LRP4: variants seen among roughly 807,000 people sequenced by gnomAD.
The protein encoded by LRP4 is low-density lipoprotein receptor-related protein 4.
LRP4 carries 95 observed loss-of-function variants against 220.3 expected under a neutral mutation model. The ratio of observed to expected loss-of-function variants is 0.43; its 90% CI spans 0.37 to 0.51. The LOEUF (loss-of-function observed/expected upper bound fraction) is 0.51. Among genes scored for constraint, LRP4 ranks in the 20% least tolerant of loss-of-function variants. The pLI is 0.00. For missense variants in LRP4, 1,925 were observed against 2,567.0 expected (o/e 0.75, Z 5.40); for synonymous variants, 903 against 954.6 (o/e 0.95, Z 1.00).
chr11:46,908,440 C>G (rs1229868193), intron 1 of LRP4, among the ~76,000 whole-genome samples: 3 of 152,184 alleles, frequency 2.0e-5, no homozygotes, highest in Admixed American at 6.5e-5. Flanking sequence ...CACTTTACAG[C>G]TGGGGACAAT....
rs1283372614 is a variant in LRP4 at position 46,884,035 on chromosome 11, C to T, written c.2507-59G>A. On this transcript the variant is annotated intron_variant, in intron 18 of 37. Coordinates refer to ENST00000378623, the MANE Select transcript of LRP4 (RefSeq NM_002334.4). ...CTTGTTCATTCACCCTCTTACCTTC[C>T]ATGGCCAACACAAGAGCCTGGTATG... The T allele has an allele frequency of 2.2e-5, 30 of 1,355,846 alleles. 1 individual carries two copies. The Admixed American group carries it at 3.4e-4, about 15-fold the overall frequency. 84.0% of individuals were successfully genotyped at this position (1,355,846 alleles called of 1,614,324 possible).
chr11:46,871,748 C>G (rs2134784605), intron 30 of LRP4, 115 bp from the exon 31 acceptor site: 1 of 737,056 alleles, frequency 1.4e-6, no homozygotes, highest in South Asian at 1.5e-5. Flanking sequence ...TATGAGAACT[C>G]AAGAAGCACC....
In LRP4 at chr11:46,862,899, G is replaced by A. The variant is rs75787294; in HGVS notation, c.5244-152C>T. Reference sequence around the variant, plus strand: ...ATGCCCTTAAGAATCCCCTCCCCTTGAGTGTGGACTGTTCTGGTGACTTAC... The same window carrying A: ...ATGCCCTTAAGAATCCCCTCCCCTTAAGTGTGGACTGTTCTGGTGACTTAC... On this transcript the variant is annotated intron_variant, in intron 36 of 37. Transcript: ENST00000378623. 321 of 702,372 alleles carry A rather than the reference G, an allele frequency of 4.6e-4. 1 individual carries two copies. The East Asian group carries it at 7.8e-3, about 17-fold the overall frequency. 43.5% of individuals were successfully genotyped at this position (702,372 alleles called of 1,614,324 possible).
At chr11:46,877,908 A>G (rs962878659) in intron 22 of LRP4, among the ~76,000 whole-genome samples, 2 of 152,210 alleles carry the variant, frequency 1.3e-5, no homozygotes, top group Non-Finnish European at 2.9e-5. Flanking sequence ...TATTAATATT[A>G]TGAAAGTGGC....
At chr11:46,868,903 A>G in intron 32 of LRP4, 85 bp downstream of exon 32, 4 of 1,571,260 alleles carry the variant, frequency 2.5e-6, no homozygotes, top group Non-Finnish European at 3.5e-6. Context: ...TTGTGGCCCT[A>G]ACTGTCTTGG....
At chr11:46,861,545 T>TTTTTTTA in intron 37 of LRP4, among the ~76,000 whole-genome samples, 4 of 140,334 alleles carry the variant, frequency 2.9e-5, no homozygotes, top group Admixed American at 7.4e-5. Context: ...TTTTTTTTTT[T>TTTTTTTA]GAGACAGGGT....
In LRP4 at chr11:46,881,684, T is replaced by G; in HGVS notation, c.2814+18A>C. On this transcript the variant is annotated intron_variant, in intron 20 of 37. Coordinates refer to ENST00000378623, the MANE Select transcript of LRP4 (RefSeq NM_002334.4). Reference sequence around the variant, plus strand: ...TGTTTTAGTGCCACCCTTACCTTCCTCTTACTGCCACCCTTACCTTCCTCT... The same window carrying G: ...TGTTTTAGTGCCACCCTTACCTTCCGCTTACTGCCACCCTTACCTTCCTCT... 6.2e-7 allele frequency: 1 copy of G among 1,607,232 alleles called. No individual in the cohort carries two copies. Among genetic ancestry groups the G allele is most frequent in the Non-Finnish European group, 8.5e-7 (1 of 1,177,404 alleles).
intron 19 of LRP4, among the ~76,000 whole-genome samples, chr11:46,883,318 C>T (rs750094143): frequency 1.3e-5 from 2 of 152,186 alleles, no homozygotes; most frequent in East Asian, 1.9e-4. Context: ...ATGGCCATAA[C>T]GCCCACACTG....
At chr11:46,868,835 T>C (rs975088086) in intron 32 of LRP4, 122 bp from the exon 33 acceptor site, 22 of 1,277,836 alleles carry the variant, frequency 1.7e-5, no homozygotes, top group Non-Finnish European at 2.5e-5. Context: ...GGAGGAGAGA[T>C]ACAACCGCGA....
chr11:46,884,072 C>A, intron 18 of LRP4, 96 bp from the exon 19 acceptor site: 2 of 918,638 alleles, frequency 2.2e-6, no homozygotes, highest in Non-Finnish European at 3.6e-6. Flanking sequence ...GCCAGCAGAG[C>A]ACAGAGTAGG....
chr11:46,877,904 T>C (rs1313589056), intron 22 of LRP4, among the ~76,000 whole-genome samples: 1 of 152,156 alleles, frequency 6.6e-6, no homozygotes, highest in African/African-American at 2.4e-5. Context: ...TCTTTATTAA[T>C]ATTATGAAAG....
chr11:46,886,210 C>A, intron 17 of LRP4, 38 bp from the exon 18 acceptor site: 2 of 1,601,812 alleles, frequency 1.2e-6, no homozygotes, highest in Non-Finnish European at 1.7e-6. Flanking sequence ...AACTGTACTT[C>A]CACTCTAGTT....
Position 46,890,748 on chromosome 11 carries a change from G to A in LRP4, c.1698-254C>T, listed in dbSNP as rs926599548. On this transcript the variant is annotated intron_variant, in intron 13 of 37. Transcript: ENST00000378623. This position sits in a 1 kb window ranked among gnomAD's most constrained non-coding sequence, Gnocchi z 5.3. ...TTCAGCCTTCTGAGCAGCTAGTATCGCTACACCTAACTAATTTTTTTTTGT... is the reference window on the plus strand; with the variant it reads ...TTCAGCCTTCTGAGCAGCTAGTATCACTACACCTAACTAATTTTTTTTTGT... 6.6e-5 allele frequency among the ~76,000 whole-genome samples: 10 copies of A among 151,718 alleles called. No individual in the cohort carries two copies. The highest frequency in any genetic ancestry group is 4.2e-4 in the South Asian group (2 of 4,798).
intron 20 of LRP4, 113 bp from the exon 21 acceptor site, chr11:46,879,428 G>T: frequency 9.8e-7 from 1 of 1,015,610 alleles, no homozygotes. Flanking sequence ...CCTACTGGGT[G>T]ACCTCCAGTA....
chr11:46,859,314 C>T lies in LRP4; in HGVS notation c.5387G>A (p.Gly1796Glu). 1.2e-6 allele frequency: 2 copies of T among 1,612,652 alleles called. No homozygotes were observed. The highest frequency in any genetic ancestry group is 1.7e-6 in the Non-Finnish European group (2 of 1,178,824). The part of the protein sequence containing the change: ...MYNQLCYKKE[G>E]GPDHNYTKEK... ...CTTGGTGTAGTTATGGTCAGGCCCT[C>T]CCTAGGGTGGAGAGTGGGCAGATAT... Residue 1796 changes from glycine to glutamate, a missense_variant and splice_region_variant, in exon 38 of 38, where the codon GGA (glycine) becomes GAA (glutamate). By Grantham distance (98) the Gly-to-Glu change is moderately conservative. Coordinates refer to ENST00000378623, the MANE Select transcript of LRP4 (RefSeq NM_002334.4).
intron 22 of LRP4, among the ~76,000 whole-genome samples, chr11:46,878,396 T>C (rs1423006920): frequency 1.3e-5 from 2 of 150,564 alleles, no homozygotes; most frequent in Admixed American, 1.3e-4. Flanking sequence ...TCTTCTGCCT[T>C]AGCCTCCCAA....
At chr11:46,898,394 C>T (rs1941588400) in intron 7 of LRP4, among the ~76,000 whole-genome samples, 164 bp downstream of exon 7, 1 of 152,200 alleles carries the variant, frequency 6.6e-6, no homozygotes, top group African/African-American at 2.4e-5. Flanking sequence ...CCATGTTACC[C>T]AGGCTGGTCT....
chr11:46,893,843 G>A (rs915957279), intron 12 of LRP4, among the ~76,000 whole-genome samples: 9 of 150,694 alleles, frequency 6.0e-5, no homozygotes, highest in South Asian at 2.1e-4. Flanking sequence ...CACGTGATCC[G>A]CCTGCTTCAG....
At position 46,875,483 on chromosome 11, in the gene LRP4, G is replaced by A; in HGVS notation, c.3898C>T (p.Gln1300Ter). ...AGTGGCTGTGCCCGGTCCACAGCCT[G>A]CATGTCCATGAGGCCTGGCAGGTTG... is the stretch of plus-strand genomic sequence containing the variant. ...RSNLPGLMDM[Q>*]AVDRAQPLGF... The change falls in exon 27 of 38, where the codon CAG becomes TAG. Residue 1300 changes from glutamine (Q) to a stop codon, truncating the protein, a stop_gained. Transcript: ENST00000378623. LOFTEE classifies it high-confidence loss of function. This position sits in a 1 kb window ranked among gnomAD's most constrained non-coding sequence, Gnocchi z 4.5. 1.9e-6 allele frequency: 3 copies of A among 1,614,142 alleles called. No homozygotes were observed. The highest frequency in any genetic ancestry group is 2.5e-6 in the Non-Finnish European group (3 of 1,180,026).
Sources: gnomAD v4.1 joint callset for allele counts (sites outside exome capture counted in the v4.1 genomes callset) on GRCh38, gnomAD v4.1.1 for gene constraint, Gnocchi (gnomAD v3.1) non-coding constraint, MANE v1.5 for transcripts, NCBI Gene and HGNC (gene_info 2026-07-23, HGNC 2026-07-21) for gene names.